Variants in DDX10 observed in about 807,000 individuals in gnomAD.
DDX10 encodes probable ATP-dependent RNA helicase DDX10.
In DDX10, 74 loss-of-function variants were observed where a neutral mutation model predicts 104.3. That is an observed-to-expected ratio of 0.71 (90% CI 0.59 to 0.86). DDX10 has a LOEUF of 0.86. DDX10 is among the 40% of genes least tolerant of loss of function. DDX10 has a pLI of 0.00. For synonymous variants in DDX10, 351 were observed against 353.4 expected (o/e 0.99, Z 0.08); for missense variants, 952 against 1,040.0 (o/e 0.92, Z 1.16).
chr11:108,671,737 A>G (rs973985623), intron 1 of DDX10, among the ~76,000 whole-genome samples: 1 of 152,190 alleles, frequency 6.6e-6, no homozygotes, highest in Admixed American at 6.5e-5. Flanking sequence ...GCTGGGCCCT[A>G]TTTTAGAACA....
intron 14 of DDX10, 45 bp from the exon 15 acceptor site, chr11:108,841,270 G>C (rs749358169): frequency 6.5e-6 from 10 of 1,547,172 alleles, no homozygotes; most frequent in Non-Finnish European, 8.0e-6. Context: ...TCTTTCTGGG[G>C]TATTCCCTAC....
At chr11:108,905,783 G>GTTC (rs1160914848) in intron 16 of DDX10, among the ~76,000 whole-genome samples, 2 of 152,156 alleles carry the variant, frequency 1.3e-5, no homozygotes, top group Non-Finnish European at 2.9e-5. Flanking sequence ...TTGGCTCATG[G>GTTC]TTCTGCAGGC....
intron 13 of DDX10, among the ~76,000 whole-genome samples, chr11:108,837,642 T>TTTTTTTTTTTTTTTTA (rs1862575101): frequency 8.6e-6 from 1 of 116,268 alleles, no homozygotes; most frequent in African/African-American, 3.4e-5. Flanking sequence ...TTTTTTTTTT[T>TTTTTTTTTTTTTTTTA]AGGCAAAGCC....
chr11:108,803,274 T>A (rs1436555767), intron 13 of DDX10, among the ~76,000 whole-genome samples: 2 of 151,758 alleles, frequency 1.3e-5, no homozygotes, highest in African/African-American at 2.4e-5. Context: ...TTTTTTTTTT[T>A]AAAGAACCTT....
chr11:108,792,840 G>A (rs1326592415), intron 13 of DDX10, among the ~76,000 whole-genome samples: 1 of 152,082 alleles, frequency 6.6e-6, no homozygotes, highest in East Asian at 1.9e-4. Flanking sequence ...GGCATCTTGA[G>A]AATATTGTTT....
At chr11:108,810,556 A>C (rs529583141) in intron 13 of DDX10, among the ~76,000 whole-genome samples, 1 of 152,158 alleles carries the variant, frequency 6.6e-6, no homozygotes, top group South Asian at 2.1e-4. Flanking sequence ...AGTGGTGCGA[A>C]ATTTATTTAC....
Position 108,807,372 on chromosome 11 carries a change from G to C in DDX10, c.1966-31074G>C, listed in dbSNP as rs1862115616. ...TTTATATTTTAAACTGTGACTGGTA[G>C]CAATGTCAAGCCAGGTGAGAGAGAC... is the stretch of plus-strand genomic sequence containing the variant. On this transcript the variant is annotated intron_variant, in intron 13 of 17. Coordinates refer to ENST00000322536, the MANE Select transcript of DDX10 (RefSeq NM_004398.4). 2.0e-5 allele frequency among the ~76,000 whole-genome samples: 3 copies of C among 152,278 alleles called. No homozygotes were observed. In the East Asian group the frequency reaches 5.8e-4, roughly 29 times the overall value.
At chr11:108,909,565 G>A (rs747903934) in intron 16 of DDX10, among the ~76,000 whole-genome samples, 4 of 152,026 alleles carry the variant, frequency 2.6e-5, no homozygotes, top group Non-Finnish European at 2.9e-5. Flanking sequence ...CAATCATTAA[G>A]TAAAACCCTT....
chr11:108,751,768 C>T (rs956472319), intron 13 of DDX10, among the ~76,000 whole-genome samples: 8 of 152,186 alleles, frequency 5.3e-5, no homozygotes, highest in Non-Finnish European at 2.9e-5. Flanking sequence ...CTCCCATTAT[C>T]TTTCTGTTAT....
chr11:108,855,257 A>T (rs1003626652), intron 16 of DDX10, among the ~76,000 whole-genome samples: 1 of 152,156 alleles, frequency 6.6e-6, no homozygotes, highest in African/African-American at 2.4e-5. Flanking sequence ...TAGGTTACAT[A>T]ATCCTGGAAT....
intron 13 of DDX10, among the ~76,000 whole-genome samples, chr11:108,774,653 T>TA (rs953561335): frequency 6.6e-6 from 1 of 152,216 alleles, no homozygotes; most frequent in African/African-American, 2.4e-5. Context: ...TTAAAAGGGA[T>TA]AAAAACCTTT....
chr11:108,828,426 C>A (rs192571359), intron 13 of DDX10, among the ~76,000 whole-genome samples: 1 of 152,158 alleles, frequency 6.6e-6, no homozygotes, highest in East Asian at 1.9e-4. Context: ...TACTGACTTA[C>A]TTTACTTAGA....
intron 16 of DDX10, among the ~76,000 whole-genome samples, chr11:108,898,939 G>A (rs901655282): frequency 6.6e-6 from 1 of 152,186 alleles, no homozygotes; most frequent in Admixed American, 6.5e-5. Context: ...TGGCATGCCA[G>A]TTTATTAATG....
chr11:108,911,553 C>CTTTTTTTTTTTTT (rs1565316439), intron 16 of DDX10, among the ~76,000 whole-genome samples: 1 of 117,146 alleles, frequency 8.5e-6, no homozygotes, highest in Non-Finnish European at 1.7e-5. Flanking sequence ...TTTGCCTCCT[C>CTTTTTTTTTTTTT]TTCTTTTTTT....
At chr11:108,747,199 C>G (rs1020439806) in intron 13 of DDX10, among the ~76,000 whole-genome samples, 17 of 152,056 alleles carry the variant, frequency 1.1e-4, no homozygotes, top group African/African-American at 3.4e-4. Context: ...ACAGGGATCA[C>G]TTAAAAAATT....
In DDX10 at chr11:108,744,974, G is replaced by A. The variant is rs998356900; in HGVS notation, c.1965+21512G>A. ...GTGTTGTGGCCAATCAATTTTGGAA[G>A]GGTAGAAGAGCTCTATAGGAAATAG... On this transcript the variant is annotated intron_variant, in intron 13 of 17. Coordinates refer to ENST00000322536, the MANE Select transcript of DDX10 (RefSeq NM_004398.4). Among the ~76,000 whole-genome samples the A allele has an allele frequency of 4.6e-5, 7 of 151,400 alleles. No homozygotes were observed. The East Asian group carries it at 1.2e-3, about 25-fold the overall frequency.
intron 16 of DDX10, among the ~76,000 whole-genome samples, chr11:108,879,848 TG>T (rs201815411): frequency 0.011 from 1,696 of 152,292 alleles, 30 homozygotes; most frequent in Middle Eastern, 0.024. Context: ...TATTACCAGG[TG>T]GCCATATCAA....
At chr11:108,835,108 CT>C (rs1018728864) in intron 13 of DDX10, among the ~76,000 whole-genome samples, 7 of 152,120 alleles carry the variant, frequency 4.6e-5, no homozygotes, top group Admixed American at 1.3e-4. Context: ...TTATTAATCC[CT>C]TGTGTTCACA....
intron 4 of DDX10, among the ~76,000 whole-genome samples, chr11:108,677,499 A>G (rs533761355): frequency 3.9e-5 from 6 of 152,024 alleles, no homozygotes; most frequent in African/African-American, 1.4e-4. Context: ...CTAATCCTGT[A>G]AAGTTATTTG....
Sources: gnomAD v4.1 joint callset for allele counts (sites outside exome capture counted in the v4.1 genomes callset) on GRCh38, gnomAD v4.1.1 for gene constraint, MANE v1.5 for transcripts, NCBI Gene and HGNC (gene_info 2026-07-23, HGNC 2026-07-21) for gene names.